The following CADM1 variants were observed in gnomAD, a reference collection of about 807,000 sequenced individuals.
CADM1 encodes the protein cell adhesion molecule 1.
CADM1 carries 15 observed loss-of-function variants against 53.1 expected under a neutral mutation model. The ratio of observed to expected loss-of-function variants is 0.28; its 90% CI spans 0.19 to 0.44. The LOEUF is 0.44. CADM1 is among the 20% of genes least tolerant of loss of function. CADM1 has a pLI of 1.00. For missense variants in CADM1, 434 were observed against 611.3 expected (o/e 0.71, Z 3.06); for synonymous variants, 281 against 243.0 (o/e 1.16, Z -1.45).
intron 5 of CADM1, among the ~76,000 whole-genome samples, chr11:115,226,236 A>T (rs6589488): frequency 0.91 from 137,849 of 152,274 alleles, 62,657 homozygotes; most frequent in East Asian, 1. Context: ...CCTGGTTAGG[A>T]TAAAGCAATA....
At chr11:115,246,836 A>C (rs942755847) in intron 1 of CADM1, among the ~76,000 whole-genome samples, 4 of 152,242 alleles carry the variant, frequency 2.6e-5, no homozygotes. Context: ...CTGTTGTGTC[A>C]CTTGAGCTTA....
intron 1 of CADM1, among the ~76,000 whole-genome samples, chr11:115,266,479 G>T (rs564903983): frequency 6.6e-6 from 1 of 152,172 alleles, no homozygotes; most frequent in East Asian, 1.9e-4. Context: ...CATCAGCCAC[G>T]CAGGACTGGG....
At chr11:115,211,610 GCTGGGACTACAGGCATGCGCCACCA>G (rs1392636216) in intron 7 of CADM1, among the ~76,000 whole-genome samples, 1 of 149,326 alleles carries the variant, frequency 6.7e-6, no homozygotes, top group Non-Finnish European at 1.5e-5. Flanking sequence ...CTCCCGAGTA[GCTGGGACTACAGGCATGCGCCACCA>G]CACCCAGCTA....
chr11:115,430,327 T>C (rs998069399), intron 1 of CADM1, among the ~76,000 whole-genome samples: 11 of 151,894 alleles, frequency 7.2e-5, no homozygotes, highest in Admixed American at 3.3e-4. Flanking sequence ...CCTGACAATC[T>C]TTATTTATTT....
chr11:115,282,736 G>A lies in CADM1; in HGVS notation c.125-42316C>T, dbSNP rs1016065782. ...GTCAACACATCTTCATACACCAATC[G>A]CCTTAAATGGTCAAAGTAGCTGAGA... On this transcript the variant is annotated intron_variant, in intron 1 of 11. Coordinates refer to ENST00000331581, the MANE Select transcript of CADM1 (RefSeq NM_001301043.2). 2.0e-5 allele frequency among the ~76,000 whole-genome samples: 3 copies of A among 152,282 alleles called. 1 individual carries two copies. The highest frequency in any genetic ancestry group is 1.3e-4 in the Admixed American group (2 of 15,296).
At chr11:115,444,584 C>T (rs1948406659) in intron 1 of CADM1, among the ~76,000 whole-genome samples, 1 of 152,184 alleles carries the variant, frequency 6.6e-6, no homozygotes, top group South Asian at 2.1e-4. Context: ...CTGTTGGCAT[C>T]TGAACATACA....
At chr11:115,458,528 TTATTAC>T (rs1275055755) in intron 1 of CADM1, among the ~76,000 whole-genome samples, 2 of 133,126 alleles carry the variant, frequency 1.5e-5, no homozygotes, top group Admixed American at 7.4e-5. Flanking sequence ...ATTATTATTA[TTATTAC>T]ATTATACCCT....
At chr11:115,296,557 G>A (rs1216847849) in intron 1 of CADM1, among the ~76,000 whole-genome samples, 4 of 152,082 alleles carry the variant, frequency 2.6e-5, no homozygotes, top group African/African-American at 9.7e-5. Flanking sequence ...CACTCTTCAG[G>A]TTTCCTCCTC....
At chr11:115,388,168 G>T (rs2135173837) in intron 1 of CADM1, among the ~76,000 whole-genome samples, 1 of 152,084 alleles carries the variant, frequency 6.6e-6, no homozygotes, top group Admixed American at 6.6e-5. Context: ...ACTAAAAAGG[G>T]GAGTCTATAA....
At chr11:115,229,300 C>A in intron 4 of CADM1, 29 bp from the exon 5 acceptor site, 3 of 1,611,994 alleles carry the variant, frequency 1.9e-6, no homozygotes, top group Non-Finnish European at 2.5e-6. Flanking sequence ...ACCAAGACAC[C>A]AGAGTTGGGT....
chr11:115,465,293 C>G (rs967431409), intron 1 of CADM1, among the ~76,000 whole-genome samples: 2 of 152,128 alleles, frequency 1.3e-5, no homozygotes, highest in Non-Finnish European at 2.9e-5. Context: ...CAATAACTTA[C>G]TGCATGAATT....
At chr11:115,267,855 G>GC (rs1035258545) in intron 1 of CADM1, among the ~76,000 whole-genome samples, 1 of 151,714 alleles carries the variant, frequency 6.6e-6, no homozygotes, top group Non-Finnish European at 1.5e-5. Context: ...TTCAGGAACA[G>GC]CCCCCTTGGA....
chr11:115,274,090 C>T (rs2135056826), intron 1 of CADM1, among the ~76,000 whole-genome samples: 1 of 152,338 alleles, frequency 6.6e-6, no homozygotes, highest in Non-Finnish European at 1.5e-5. Context: ...TTCCAGCCAA[C>T]TTCTGCAGGT....
chr11:115,359,023 C>A (rs952033629), intron 1 of CADM1, among the ~76,000 whole-genome samples: 3 of 152,152 alleles, frequency 2.0e-5, no homozygotes, highest in Non-Finnish European at 2.9e-5. Context: ...TTTCAATCAA[C>A]CCTCAAAGAA....
intron 1 of CADM1, among the ~76,000 whole-genome samples, chr11:115,418,609 T>G (rs1008272269): frequency 6.6e-6 from 1 of 152,296 alleles, no homozygotes; most frequent in East Asian, 1.9e-4. Flanking sequence ...TGTTCCATAT[T>G]TGAGGTCAGA....
At chr11:115,456,975 G>A (rs1416036343) in intron 1 of CADM1, among the ~76,000 whole-genome samples, 2 of 152,042 alleles carry the variant, frequency 1.3e-5, no homozygotes, top group Non-Finnish European at 2.9e-5. Context: ...GTAAGGACAG[G>A]AACCTCTGTC....
intron 1 of CADM1, among the ~76,000 whole-genome samples, chr11:115,347,175 T>C (rs756955930): frequency 4.2e-4 from 64 of 152,300 alleles, no homozygotes; most frequent in Non-Finnish European, 7.9e-4. Context: ...TCAAAGGTCA[T>C]GGATGAACCA....
At chr11:115,186,094 C>T (rs1259592789) in intron 10 of CADM1, among the ~76,000 whole-genome samples, 1 of 152,224 alleles carries the variant, frequency 6.6e-6, no homozygotes, top group Non-Finnish European at 1.5e-5. Flanking sequence ...GCAGTTCAAA[C>T]ACATCGTGGG....
At position 115,209,623 on chromosome 11, in the gene CADM1, G is replaced by GGTT. The variant is rs767227411; in HGVS notation, c.1026_1028dup (p.Thr353dup). On this transcript the variant is annotated inframe_insertion, in exon 8 of 12. Transcript: ENST00000331581. ...TGGTGGTGGTGGTGGTGGTGGTGGT[G>GGTT]GTTGTTGTGGGAGGAGGGATAGTTG... The GGTT allele has an allele frequency of 1.2e-6, 2 of 1,609,902 alleles. No individual in the cohort carries two copies. Among genetic ancestry groups the GGTT allele is most frequent in the Non-Finnish European group, 1.7e-6 (2 of 1,178,374 alleles).
Sources: gnomAD v4.1 joint callset for allele counts (sites outside exome capture counted in the v4.1 genomes callset) on GRCh38, gnomAD v4.1.1 for gene constraint, MANE v1.5 for transcripts, NCBI Gene and HGNC (gene_info 2026-07-23, HGNC 2026-07-21) for gene names.